The following STOX2 variants were observed in gnomAD, a reference collection of about 807,000 sequenced individuals.
STOX2 encodes storkhead box 2, also known as storkhead-box protein 2.
STOX2 carries 28 observed loss-of-function variants against 60.9 expected under a neutral mutation model. The ratio of observed to expected loss-of-function variants is 0.46; its 90% CI spans 0.34 to 0.63. STOX2 has a LOEUF of 0.63. STOX2 is among the 30% of genes least tolerant of loss of function. The pLI is 0.01. For missense variants in STOX2, 1,024 were observed against 1,187.7 expected (o/e 0.86, Z 2.03); for synonymous variants, 472 against 463.9 (o/e 1.02, Z -0.22).
At chr4:183,924,915 AG>A (rs965225008) in intron 1 of STOX2, among the ~76,000 whole-genome samples, 1 of 152,198 alleles carries the variant, frequency 6.6e-6, no homozygotes, top group Non-Finnish European at 1.5e-5. Context: ...AGAGAGTCTT[AG>A]GGAGGCCTGC....
chr4:183,828,370 G>C (rs2111117927), intron 1 of STOX2, among the ~76,000 whole-genome samples: 1 of 152,312 alleles, frequency 6.6e-6, no homozygotes, highest in South Asian at 2.1e-4. Context: ...CAGGAAAAGA[G>C]GATGGGTGTG....
intron 1 of STOX2, among the ~76,000 whole-genome samples, chr4:183,981,923 G>A (rs1241517962): frequency 6.6e-6 from 1 of 152,220 alleles, no homozygotes; most frequent in Non-Finnish European, 1.5e-5. Flanking sequence ...GGGCAACAGA[G>A]TGAGACTCTG....
rs143505425 is a variant in STOX2 at position 183,873,213 on chromosome 4, C to T, written c.364+75158C>T. Reference sequence around the variant, plus strand: ...CTGTAATCCCAGCACTTTGGGAGGCCGAGGTGGGCGGATCACCTGAGGTCG... The same window carrying T: ...CTGTAATCCCAGCACTTTGGGAGGCTGAGGTGGGCGGATCACCTGAGGTCG... On this transcript the variant is annotated intron_variant, in intron 1 of 2. Coordinates refer to the STOX2 transcript ENST00000513034. Among the ~76,000 whole-genome samples the T allele has an allele frequency of 1.6e-3, 236 of 152,088 alleles. 2 individuals carry two copies. Among genetic ancestry groups the T allele is most frequent in the African/African-American group, 5.3e-3 (218 of 41,488 alleles).
chr4:183,907,180 A>C (rs959605306), intron 1 of STOX2, among the ~76,000 whole-genome samples: 1 of 151,880 alleles, frequency 6.6e-6, no homozygotes, highest in African/African-American at 2.4e-5. Flanking sequence ...AAAACGAGGG[A>C]GGGGGGACGA....
intron 1 of STOX2, among the ~76,000 whole-genome samples, chr4:183,928,326 A>G (rs563241861): frequency 6.6e-6 from 1 of 152,332 alleles, no homozygotes; most frequent in African/African-American, 2.4e-5. Flanking sequence ...TGTGCAGAAG[A>G]TAATAAACTG....
Position 184,009,784 on chromosome 4 carries a change from A to C in STOX2, c.946A>C (p.Arg316=). ...IPREVEMEII[R]RINPDLTVEN... The stretch of plus-strand genomic sequence containing the variant: ...TCGGGAAGTAGAGATGGAAATCATT[A>C]GGCGCATTAACCCAGACCTGACCGT... Residue 316 remains arginine (R), a synonymous_variant, in exon 3 of 4, where the codon AGG becomes CGG. Transcript: ENST00000308497. The surrounding 1 kb of genome is among the most constrained non-coding windows in gnomAD (Gnocchi z 4.0). 1 of 1,613,018 alleles carries C rather than the reference A, an allele frequency of 6.2e-7. No homozygotes were observed. Among genetic ancestry groups the C allele is most frequent in the Non-Finnish European group, 8.5e-7 (1 of 1,179,546 alleles).
chr4:183,871,273 C>T (rs943319716), intron 1 of STOX2, among the ~76,000 whole-genome samples: 2 of 152,204 alleles, frequency 1.3e-5, no homozygotes, highest in African/African-American at 2.4e-5. Flanking sequence ...TTGTCCTCTC[C>T]TTGGCCGCCC....
At chr4:183,831,269 C>A (rs1021081385) in intron 1 of STOX2, among the ~76,000 whole-genome samples, 2 of 152,128 alleles carry the variant, frequency 1.3e-5, no homozygotes, top group African/African-American at 4.8e-5. Flanking sequence ...AGAAATTGCA[C>A]ACATGTAAGG....
Position 184,005,195 on chromosome 4 carries a change from C to A in STOX2, c.319+3718C>A, listed in dbSNP as rs1733771903. 5.9e-5 allele frequency among the ~76,000 whole-genome samples: 9 copies of A among 152,296 alleles called. 1 individual carries two copies. In the South Asian group the frequency reaches 1.9e-3, roughly 32 times the overall value. On this transcript the variant is annotated intron_variant, in intron 2 of 3. Coordinates refer to ENST00000308497, the MANE Select transcript of STOX2 (RefSeq NM_020225.3). ...TACATAGAGGCTGATTGTGGTGGCT[C>A]ACACCTATAATCCCAGCAATTTGGG...
intron 1 of STOX2, among the ~76,000 whole-genome samples, chr4:183,851,437 G>C (rs1435889402): frequency 1.3e-5 from 1 of 75,190 alleles, no homozygotes; most frequent in African/African-American, 5.8e-5. Context: ...ATGAGAGAAA[G>C]GATGAGGGAA....
Position 184,011,125 on chromosome 4 carries a change from T to C in STOX2, c.2287T>C (p.Ser763Pro). ...GCCTGCTTCCCAGCGTCAGCAGGAG[T>C]CAGGAGGGAACCAGGAAGCCTCTTT... is the stretch of plus-strand genomic sequence containing the variant. ...AMPASQRQQESGGNQEASFDY... is the reference protein window; with the variant it reads ...AMPASQRQQEPGGNQEASFDY... The change falls in exon 3 of 4, where the codon TCA becomes CCA. Residue 763 changes from serine to proline, a missense_variant. Coordinates refer to ENST00000308497, the MANE Select transcript of STOX2 (RefSeq NM_020225.3). This position sits in a 1 kb window ranked among gnomAD's most constrained non-coding sequence, Gnocchi z 4.4. 1 of 1,580,458 alleles carries C rather than the reference T, an allele frequency of 6.3e-7. No individual in the cohort carries two copies. Among genetic ancestry groups the C allele is most frequent in the South Asian group, 1.2e-5 (1 of 84,702 alleles).
chr4:183,983,739 A>C (rs1732738612), intron 1 of STOX2, among the ~76,000 whole-genome samples: 1 of 152,152 alleles, frequency 6.6e-6, no homozygotes, highest in South Asian at 2.1e-4. Context: ...TGCAAATATA[A>C]AGTGGGCCAT....
At chr4:183,852,572 G>GAAAGGATGAGAGAAAGGATGAGA (rs1740180878) in intron 1 of STOX2, among the ~76,000 whole-genome samples, 1 of 142,090 alleles carries the variant, frequency 7.0e-6, no homozygotes, top group African/African-American at 2.6e-5. Context: ...AAAGGATGAG[G>GAAAGGATGAGAGAAAGGATGAGA]GAAAGGATGA....
In STOX2 at chr4:183,802,460, C is replaced by T. The variant is rs116812324; in HGVS notation, c.364+4405C>T. Among the ~76,000 whole-genome samples the T allele has an allele frequency of 7.4e-3, 1,121 of 152,162 alleles. 18 individuals are homozygous for T. Among genetic ancestry groups the T allele is most frequent in the African/African-American group, 0.025 (1,051 of 41,510 alleles). On this transcript the variant is annotated intron_variant, in intron 1 of 2. Transcript: ENST00000513034. ...CACTATCATGGCTCACTGCAGCCTC[C>T]AACTCCTGAGCTCAAGTGGTCCTCC...
intron 1 of STOX2, among the ~76,000 whole-genome samples, chr4:183,938,237 T>C (rs999752885): frequency 1.1e-4 from 17 of 152,350 alleles, no homozygotes; most frequent in African/African-American, 3.6e-4. Context: ...TGAGACTGGT[T>C]CCTCTACTGT....
intron 1 of STOX2, among the ~76,000 whole-genome samples, chr4:183,803,228 T>G (rs540020652): frequency 6.6e-6 from 1 of 152,140 alleles, no homozygotes; most frequent in African/African-American, 2.4e-5. Flanking sequence ...CCATAACATG[T>G]GGGAATTATG....
chr4:183,978,934 G>A (rs183430999), intron 1 of STOX2, among the ~76,000 whole-genome samples: 24 of 152,168 alleles, frequency 1.6e-4, no homozygotes, highest in African/African-American at 5.5e-4. Context: ...ATCAAAAGAG[G>A]CCTCAATTTT....
chr4:183,960,631 C>G (rs1023875415), intron 1 of STOX2, among the ~76,000 whole-genome samples: 2 of 152,114 alleles, frequency 1.3e-5, no homozygotes, highest in African/African-American at 4.8e-5. Flanking sequence ...GGTAAGCAAA[C>G]TTGTTCATTT....
rs1160973975 is a variant in STOX2 at position 183,906,649 on chromosome 4, C to T, written c.-142C>T. On this transcript the variant is annotated 5_prime_UTR_variant, in exon 1 of 4. Transcript: ENST00000308497. The stretch of plus-strand genomic sequence containing the variant: ...TGGGGAGGGCCGGACCCGCCGCTGG[C>T]GGTGTAGACGCCGACGAGGAGGGGC... 8 of 924,290 alleles carry T rather than the reference C, an allele frequency of 8.7e-6. No individual in the cohort carries two copies. The East Asian group carries it at 1.7e-4, about 20-fold the overall frequency. 57.3% of individuals were successfully genotyped at this position (924,290 alleles called of 1,614,324 possible).
Sources: gnomAD v4.1 joint callset for allele counts (sites outside exome capture counted in the v4.1 genomes callset) on GRCh38, gnomAD v4.1.1 for gene constraint, Gnocchi (gnomAD v3.1) non-coding constraint, MANE v1.5 for transcripts, NCBI Gene and HGNC (gene_info 2026-07-23, HGNC 2026-07-21) for gene names.